Variants in ZFHX4 observed in about 807,000 individuals in gnomAD.
The protein encoded by ZFHX4 is zinc finger homeobox 4.
A neutral mutation model predicts 267.6 loss-of-function variants in ZFHX4; 56 were observed. The ratio of observed to expected loss-of-function variants is 0.21; its 90% CI spans 0.17 to 0.26. ZFHX4 has a LOEUF of 0.26. ZFHX4 is among the 10% of genes least tolerant of loss of function. ZFHX4 has a pLI of 1.00. For synonymous variants in ZFHX4, 1,778 were observed against 1,665.6 expected, an observed-to-expected ratio of 1.07 and a Z score of -1.64; for missense variants, 4,332 against 4,420.0, an observed-to-expected ratio of 0.98 and a Z score of 0.56.
chr8:76,851,193 G>A lies in ZFHX4; in HGVS notation c.4272G>A (p.Ala1424=), dbSNP rs199795783. The change falls in exon 10 of 11, where the codon GCG becomes GCA. Residue 1424 remains alanine, a synonymous_variant. Transcript: ENST00000651372. ...CCCAGTATCATGCAATTCGGGCTGC[G>A]ACAATGTGTAACCTCTGCCAGCGCA... The part of the protein sequence containing the change: ...IHSQYHAIRA[A]TMCNLCQRSF... The A allele has an allele frequency of 4.6e-5, 74 of 1,613,746 alleles. No individual in the cohort carries two copies. Among genetic ancestry groups the A allele is most frequent in the Non-Finnish European group, 5.6e-5 (66 of 1,179,870 alleles).
chr8:76,797,936 ATGTG>A (rs1403402850), intron 4 of ZFHX4, among the ~76,000 whole-genome samples: 2 of 131,412 alleles, frequency 1.5e-5, no homozygotes, highest in African/African-American at 2.9e-5. Context: ...GTCTGTGTGT[ATGTG>A]TGTGTATTTA....
chr8:76,845,635 A>C (rs2131924050), intron 6 of ZFHX4, among the ~76,000 whole-genome samples: 1 of 152,122 alleles, frequency 6.6e-6, no homozygotes, highest in African/African-American at 2.4e-5. Flanking sequence ...TTTTTTTATT[A>C]AGATTTGCTT....
chr8:76,752,177 T>C (rs1449849456), intron 3 of ZFHX4, among the ~76,000 whole-genome samples: 1 of 152,100 alleles, frequency 6.6e-6, no homozygotes, highest in African/African-American at 2.4e-5. Context: ...CTATGAAGTC[T>C]AGAGTTTTGA....
chr8:76,763,548 A>G (rs1809972950), intron 3 of ZFHX4, among the ~76,000 whole-genome samples: 1 of 152,112 alleles, frequency 6.6e-6, no homozygotes, highest in African/African-American at 2.4e-5. Flanking sequence ...ACTTGAGACA[A>G]GGAAGTTGAG....
At position 76,759,069 on chromosome 8, in the gene ZFHX4, A is replaced by G. The variant is rs115862790; in HGVS notation, c.3094-19139A>G. Among the ~76,000 whole-genome samples, 1,067 of 152,318 alleles carry G rather than the reference A, an allele frequency of 7.0e-3. 15 individuals are homozygous for G. Among genetic ancestry groups the G allele is most frequent in the African/African-American group, 0.025 (1,019 of 41,578 alleles). On this transcript the variant is annotated intron_variant, in intron 3 of 10. Coordinates refer to ENST00000651372, the MANE Select transcript of ZFHX4 (RefSeq NM_024721.5). The stretch of plus-strand genomic sequence containing the variant: ...CAAGAAAGATTTTCTTTACATACAT[A>G]TTTACATTTTGAAAATAAAATGTCC...
chr8:76,843,162 T>G (rs999034476), intron 6 of ZFHX4, among the ~76,000 whole-genome samples: 7 of 152,224 alleles, frequency 4.6e-5, no homozygotes, highest in African/African-American at 1.7e-4. Context: ...AGATATCACT[T>G]GAATTTTGTC....
chr8:76,717,630 T>C (rs1177342025), intron 3 of ZFHX4, among the ~76,000 whole-genome samples: 1 of 152,230 alleles, frequency 6.6e-6, no homozygotes, highest in Non-Finnish European at 1.5e-5. Flanking sequence ...AGGGTCTTGC[T>C]CTGTCACCCA....
chr8:76,747,670 G>A (rs1024223812), intron 3 of ZFHX4, among the ~76,000 whole-genome samples: 9 of 152,218 alleles, frequency 5.9e-5, no homozygotes, highest in East Asian at 5.8e-4. Context: ...AGTGGCTCAC[G>A]CCTGTAATCC....
At position 76,852,941 on chromosome 8, in the gene ZFHX4, C is replaced by T. The variant is rs1262643187; in HGVS notation, c.6020C>T (p.Pro2007Leu). The T allele has an allele frequency of 1.5e-5, 23 of 1,579,890 alleles. No individual in the cohort carries two copies. Among genetic ancestry groups the T allele is most frequent in the Non-Finnish European group, 1.9e-5 (22 of 1,161,944 alleles). Residue 2007 changes from proline to leucine, a missense_variant, in exon 10 of 11, where the codon CCT (proline) becomes CTT (leucine). By Grantham distance (98) the Pro-to-Leu change is moderately conservative. This residue lies in a region of ZFHX4 where 1,371 missense variants were observed against 1,423.1 expected (regional missense o/e 0.96). Transcript: ENST00000651372. ...PSSPETPPPP[P>L]PPPPLPPAPP... ...TCTCCAGAAACGCCGCCCCCGCCACCTCCTCCTCCTCCCTTGCCTCCGGCT... is the reference window on the plus strand; with the variant it reads ...TCTCCAGAAACGCCGCCCCCGCCACTTCCTCCTCCTCCCTTGCCTCCGGCT...
intron 3 of ZFHX4, among the ~76,000 whole-genome samples, chr8:76,763,518 G>A (rs1035244717): frequency 6.6e-6 from 1 of 152,146 alleles, no homozygotes; most frequent in Non-Finnish European, 1.5e-5. Context: ...AGCTACTCAG[G>A]TGGCTGAGGT....
intron 1 of ZFHX4, among the ~76,000 whole-genome samples, chr8:76,700,196 A>G (rs1032762881): frequency 5.3e-5 from 8 of 152,054 alleles, no homozygotes; most frequent in Non-Finnish European, 1.2e-4. Flanking sequence ...ACCCATGTAA[A>G]ATGGAGTAAA....
At chr8:76,694,850 A>G (rs941680718) in intron 1 of ZFHX4, among the ~76,000 whole-genome samples, 2 of 151,650 alleles carry the variant, frequency 1.3e-5, no homozygotes, top group African/African-American at 2.4e-5. Context: ...CAGAAGAGCC[A>G]TATTAGGAGA....
At chr8:76,710,493 A>G (rs555742190) in intron 3 of ZFHX4, among the ~76,000 whole-genome samples, 3 of 152,334 alleles carry the variant, frequency 2.0e-5, no homozygotes, top group South Asian at 4.1e-4. Context: ...GCCTGAGCCT[A>G]GAAAAAAATG....
Position 76,863,342 on chromosome 8 carries a change from A to G in ZFHX4, c.9628A>G (p.Thr3210Ala). 6.2e-7 allele frequency: 1 copy of G among 1,613,820 alleles called. No individual in the cohort carries two copies. The highest frequency in any genetic ancestry group is 1.1e-5 in the South Asian group (1 of 91,064). Reference protein sequence around the residue: ...KKIKEEELEATKPEKHPKKEE... With the variant: ...KKIKEEELEAAKPEKHPKKEE... ...AATCAAAGAGGAGGAATTAGAGGCC[A>G]CCAAACCCGAAAAACACCCCAAAAA... The change falls in exon 11 of 11, where the codon ACC (threonine) becomes GCC (alanine). Residue 3210 changes from threonine to alanine, a missense_variant. By Grantham distance (58) the Thr-to-Ala change is moderately conservative. Around this residue, in one of 7 missense-constraint regions of ZFHX4, gnomAD observed 1,648 missense variants for 1,625.0 expected, o/e 1.01. Transcript: ENST00000651372.
At chr8:76,844,634 C>A (rs1390444555) in intron 6 of ZFHX4, among the ~76,000 whole-genome samples, 2 of 152,064 alleles carry the variant, frequency 1.3e-5, no homozygotes, top group African/African-American at 4.8e-5. Flanking sequence ...CTAATTGTAC[C>A]ATCCAGACAA....
intron 1 of ZFHX4, among the ~76,000 whole-genome samples, chr8:76,703,333 T>C (rs1238735091): frequency 6.6e-6 from 1 of 152,178 alleles, no homozygotes; most frequent in African/African-American, 2.4e-5. Context: ...CCTAGGATGA[T>C]AGGACTGGTT....
At chr8:76,837,088 A>G (rs867263596) in intron 5 of ZFHX4, among the ~76,000 whole-genome samples, 46 of 152,276 alleles carry the variant, frequency 3.0e-4, no homozygotes, top group African/African-American at 9.4e-4. Context: ...CTTTTTGGAC[A>G]TCCAGTACAG....
chr8:76,725,091 A>G (rs1435125186), intron 3 of ZFHX4, among the ~76,000 whole-genome samples: 1 of 152,092 alleles, frequency 6.6e-6, no homozygotes, highest in African/African-American at 2.4e-5. Flanking sequence ...GGAACTCTGT[A>G]TTGTATGTTC....
Position 76,853,019 on chromosome 8 carries a change from C to A in ZFHX4, c.6098C>A (p.Thr2033Asn), listed in dbSNP as rs1362199594. The A allele has an allele frequency of 6.6e-7, 1 of 1,517,910 alleles. No individual in the cohort carries two copies. 94.0% of individuals were successfully genotyped at this position (1,517,910 alleles called of 1,614,324 possible). Residue 2033 changes from threonine to asparagine, a missense_variant, in exon 10 of 11, where the codon ACT becomes AAT. Thr to Asn is a moderately conservative substitution (Grantham distance 65). This residue lies in a region of ZFHX4 where 1,371 missense variants were observed against 1,423.1 expected (regional missense o/e 0.96). Transcript: ENST00000651372. ...GPVKIPNTVSTPLQAPPPTPP... is the reference protein window; with the variant it reads ...GPVKIPNTVSNPLQAPPPTPP... ...GTAAAGATCCCCAACACGGTTTCTA[C>A]TCCTCTGCAAGCTCCACCACCCACT...
Sources: gnomAD v4.1 joint callset for allele counts (sites outside exome capture counted in the v4.1 genomes callset) on GRCh38, gnomAD v4.1.1 for gene constraint, gnomAD v4.1.1 regional missense constraint, MANE v1.5 for transcripts, NCBI Gene and HGNC (gene_info 2026-07-23, HGNC 2026-07-21) for gene names.